IFT57: variants seen among roughly 807,000 people sequenced by gnomAD.
IFT57 encodes the protein intraflagellar transport 57.
Under a neutral mutation model 56.8 loss-of-function variants are expected in IFT57, and 59 were observed. The observed-to-expected ratio is 1.04, with a 90% CI of 0.84 to 1.29. IFT57 has a LOEUF of 1.29. Ranked by LOEUF, IFT57 falls within the 50% of genes most tolerant of loss-of-function variation. The pLI, the probability that IFT57 is intolerant of heterozygous loss-of-function variation, is 0.00. For missense variants in IFT57, 470 were observed against 522.1 expected, an observed-to-expected ratio of 0.90 and a Z score of 0.97; for synonymous variants, 209 against 186.1, an observed-to-expected ratio of 1.12 and a Z score of -1.00.
At chr3:108,191,138 C>T (rs2080212980) in intron 6 of IFT57, among the ~76,000 whole-genome samples, 1 of 152,178 alleles carries the variant, frequency 6.6e-6, no homozygotes, top group South Asian at 2.1e-4. Context: ...TCTAAGACCA[C>T]TTCCAGGCTG....
At chr3:108,199,590 T>C (rs1489387170) in intron 5 of IFT57, among the ~76,000 whole-genome samples, 1 of 152,224 alleles carries the variant, frequency 6.6e-6, no homozygotes, top group East Asian at 1.9e-4. Flanking sequence ...AATTTTGTCC[T>C]CCAGCCAGAA....
Position 108,182,215 on chromosome 3 carries a change from GA to G in IFT57, c.777+9305del, listed in dbSNP as rs536646355. Among the ~76,000 whole-genome samples the G allele has an allele frequency of 3.7e-3, 568 of 152,128 alleles. 5 individuals are homozygous for G. The highest frequency in any genetic ancestry group is 0.013 in the African/African-American group (543 of 41,514). ...ACCCACTTATACTGCATCCATGGCAGAAGGTCAAATCAAGTTACTCTCTCCA... is the reference window on the plus strand; with the variant it reads ...ACCCACTTATACTGCATCCATGGCAGAGGTCAAATCAAGTTACTCTCTCCA... On this transcript the variant is annotated intron_variant, in intron 6 of 10. Transcript: ENST00000264538.
chr3:108,171,319 T>C (rs1191846879), intron 6 of IFT57, among the ~76,000 whole-genome samples: 1 of 151,874 alleles, frequency 6.6e-6, no homozygotes, highest in Non-Finnish European at 1.5e-5. Context: ...TTGGTGCACC[T>C]GGATAGAAGC....
chr3:108,222,266 C>A lies in IFT57; in HGVS notation c.57G>T (p.Arg19Ser). The change falls in exon 1 of 11, where the codon AGG (arginine) becomes AGT (serine). Residue 19 changes from arginine to serine, a missense_variant. By Grantham distance (110) the Arg-to-Ser change is moderately radical (BLOSUM62 -1). Coordinates refer to ENST00000264538, the MANE Select transcript of IFT57 (RefSeq NM_018010.4). ...TTSGLEDGVPRSRGEGTGEVV... is the reference protein window; with the variant it reads ...TTSGLEDGVPSSRGEGTGEVV... Reference sequence around the variant, plus strand: ...CTTCCCCGGTCCCTTCGCCACGGGACCTAGGCACCCCATCTTCCAAACCCG... The same window carrying A: ...CTTCCCCGGTCCCTTCGCCACGGGAACTAGGCACCCCATCTTCCAAACCCG... 1 of 1,614,026 alleles carries A rather than the reference C, an allele frequency of 6.2e-7. No homozygotes were observed. The highest frequency in any genetic ancestry group is 8.5e-7 in the Non-Finnish European group (1 of 1,180,016).
chr3:108,186,420 A>G (rs772083812), intron 6 of IFT57, among the ~76,000 whole-genome samples: 1 of 152,050 alleles, frequency 6.6e-6, no homozygotes, highest in Non-Finnish European at 1.5e-5. Flanking sequence ...TTAATAGGAG[A>G]TGATTTGATG....
At chr3:108,208,661 G>A (rs895230804) in intron 4 of IFT57, among the ~76,000 whole-genome samples, 1 of 152,092 alleles carries the variant, frequency 6.6e-6, no homozygotes. Flanking sequence ...ATGCTTTGCT[G>A]GCCTAGAGGT....
chr3:108,184,479 A>C (rs1356685291), intron 6 of IFT57, among the ~76,000 whole-genome samples: 5 of 152,168 alleles, frequency 3.3e-5, no homozygotes, highest in African/African-American at 1.2e-4. Flanking sequence ...TAAAATATAC[A>C]TAGATACTAG....
intron 9 of IFT57, 87 bp from the exon 10 acceptor site, chr3:108,163,816 A>G (rs1213069885): frequency 1.8e-5 from 14 of 757,314 alleles, no homozygotes; most frequent in African/African-American, 5.3e-5. Flanking sequence ...TGTAATTTAG[A>G]TATTAGCCAC....
chr3:108,215,762 T>A (rs1239319871), intron 3 of IFT57, among the ~76,000 whole-genome samples: 1 of 152,238 alleles, frequency 6.6e-6, no homozygotes, highest in Non-Finnish European at 1.5e-5. Flanking sequence ...CTCATTTACA[T>A]GTTACAGAGC....
intron 4 of IFT57, among the ~76,000 whole-genome samples, chr3:108,211,330 G>T (rs1400238056): frequency 6.6e-6 from 1 of 152,186 alleles, no homozygotes; most frequent in African/African-American, 2.4e-5. Flanking sequence ...GAACAACTAG[G>T]AATATATGAG....
chr3:108,175,972 C>T (rs116283297), intron 6 of IFT57, among the ~76,000 whole-genome samples: 2 of 151,720 alleles, frequency 1.3e-5, no homozygotes, highest in Non-Finnish European at 2.9e-5. Flanking sequence ...GAGGTCTATT[C>T]GCACTTTTTG....
intron 6 of IFT57, among the ~76,000 whole-genome samples, chr3:108,191,004 G>A (rs762634210): frequency 6.6e-6 from 1 of 152,092 alleles, no homozygotes; most frequent in Non-Finnish European, 1.5e-5. Flanking sequence ...CATTGGCCAG[G>A]CTGGTCTCGA....
chr3:108,165,646 A>G (rs535973326), intron 8 of IFT57, among the ~76,000 whole-genome samples, 153 bp from the exon 9 acceptor site: 2 of 152,220 alleles, frequency 1.3e-5, no homozygotes, highest in South Asian at 4.1e-4. Context: ...ATTTAACTGT[A>G]GCTGTTTTAT....
At chr3:108,168,204 T>C (rs1371711839) in intron 6 of IFT57, among the ~76,000 whole-genome samples, 2 of 151,900 alleles carry the variant, frequency 1.3e-5, no homozygotes, top group Non-Finnish European at 2.9e-5. Flanking sequence ...GCAGTAACAA[T>C]TATGTTTGCC....
intron 6 of IFT57, among the ~76,000 whole-genome samples, chr3:108,168,198 T>C (rs2080073394): frequency 6.6e-6 from 1 of 151,962 alleles, no homozygotes; most frequent in Admixed American, 6.6e-5. Flanking sequence ...GTTTAAGCAG[T>C]AACAATTATG....
At chr3:108,203,062 T>C (rs2080288151) in intron 5 of IFT57, among the ~76,000 whole-genome samples, 1 of 152,246 alleles carries the variant, frequency 6.6e-6, no homozygotes, top group South Asian at 2.1e-4. Flanking sequence ...ATCTTGCTGC[T>C]GAGCTTCAGA....
intron 1 of IFT57, among the ~76,000 whole-genome samples, chr3:108,221,653 AAAC>A (rs1418615338): frequency 1.3e-5 from 2 of 152,190 alleles, no homozygotes; most frequent in African/African-American, 4.8e-5. Context: ...ACAGGGTCTT[AAAC>A]AACAACAAAA....
At chr3:108,169,457 T>C (rs1340360851) in intron 6 of IFT57, among the ~76,000 whole-genome samples, 1 of 152,070 alleles carries the variant, frequency 6.6e-6, no homozygotes, top group Non-Finnish European at 1.5e-5. Context: ...TGGATGATAG[T>C]TTCTTTTGCT....
At chr3:108,166,752 C>G in intron 8 of IFT57, 102 bp downstream of exon 8, 6 of 978,844 alleles carry the variant, frequency 6.1e-6, no homozygotes, top group Non-Finnish European at 8.6e-6. Context: ...TTTTGCTGTT[C>G]ATGAAAAGCA....
Sources: gnomAD v4.1 joint callset for allele counts (sites outside exome capture counted in the v4.1 genomes callset) on GRCh38, gnomAD v4.1.1 for gene constraint, MANE v1.5 for transcripts, NCBI Gene and HGNC (gene_info 2026-07-23, HGNC 2026-07-21) for gene names.